The following CDH12 variants were observed in gnomAD, a reference collection of about 807,000 sequenced individuals.
CDH12 encodes cadherin-12.
In CDH12, 41 loss-of-function variants were observed where a neutral mutation model predicts 74.1. The observed-to-expected ratio is 0.55, with a 90% CI of 0.43 to 0.72. The LOEUF (loss-of-function observed/expected upper bound fraction) is 0.72, where lower values mean the gene tolerates loss of function less well. Among genes scored for constraint, CDH12 ranks in the 30% least tolerant of loss-of-function variants. CDH12 has a pLI of 0.00. For synonymous variants in CDH12, 399 were observed against 355.0 expected (o/e 1.12, Z -1.39); for missense variants, 945 against 977.2 (o/e 0.97, Z 0.44).
chr5:22,688,339 T>A (rs1218528508), intron 1 of CDH12, among the ~76,000 whole-genome samples: 1 of 152,216 alleles, frequency 6.6e-6, no homozygotes, highest in Non-Finnish European at 1.5e-5. Flanking sequence ...TAAAGCATTT[T>A]AATAAGTCAT....
intron 3 of CDH12, among the ~76,000 whole-genome samples, chr5:22,272,917 C>G (rs1459593089): frequency 6.6e-6 from 1 of 152,162 alleles, no homozygotes; most frequent in African/African-American, 2.4e-5. Flanking sequence ...ACAATCATGG[C>G]AGAAGGGGAA....
chr5:21,926,389 T>C (rs1754584529), intron 6 of CDH12, among the ~76,000 whole-genome samples: 2 of 152,226 alleles, frequency 1.3e-5, no homozygotes, highest in African/African-American at 4.8e-5. Context: ...TGGAGGTAAC[T>C]TGACTTGGCT....
intron 4 of CDH12, among the ~76,000 whole-genome samples, chr5:22,146,465 G>T (rs774829861): frequency 1.3e-5 from 2 of 152,030 alleles, no homozygotes; most frequent in African/African-American, 2.4e-5. Flanking sequence ...ATGAATAAAT[G>T]TTTTGTATAA....
chr5:22,739,754 G>A (rs185465778), intron 1 of CDH12, among the ~76,000 whole-genome samples: 14 of 152,038 alleles, frequency 9.2e-5, no homozygotes, highest in Admixed American at 9.2e-4. Context: ...CCTTCTTTCA[G>A]CTGCTTTTCA....
intron 2 of CDH12, among the ~76,000 whole-genome samples, chr5:22,463,297 A>G (rs1470665462): frequency 3.3e-5 from 5 of 152,178 alleles, no homozygotes; most frequent in South Asian, 2.1e-4. Flanking sequence ...GAAACAATCA[A>G]TGATTTATTT....
chr5:21,819,210 T>C (rs1171596438), intron 8 of CDH12, among the ~76,000 whole-genome samples: 1 of 152,002 alleles, frequency 6.6e-6, no homozygotes, highest in Non-Finnish European at 1.5e-5. Context: ...TTTCTTTAGA[T>C]CATAAATATT....
At chr5:21,894,880 C>T (rs2150048008) in intron 6 of CDH12, among the ~76,000 whole-genome samples, 1 of 152,202 alleles carries the variant, frequency 6.6e-6, no homozygotes, top group African/African-American at 2.4e-5. Context: ...TCTAATATCT[C>T]CCATATTTAT....
Position 22,679,959 on chromosome 5 carries a change from T to G in CDH12, c.-523+173099A>C, listed in dbSNP as rs1315934623. ...ACATGTCTGTACACGTTCTGAGCATTCATTGCCTCATCTATTCTACAAGAA... is the reference window on the plus strand; with the variant it reads ...ACATGTCTGTACACGTTCTGAGCATGCATTGCCTCATCTATTCTACAAGAA... On this transcript the variant is annotated intron_variant, in intron 1 of 14. Transcript: ENST00000382254. Among the ~76,000 whole-genome samples the G allele has an allele frequency of 2.0e-5, 3 of 152,150 alleles. 1 individual carries two copies. Among genetic ancestry groups the G allele is most frequent in the Admixed American group, 2.0e-4 (3 of 15,238 alleles).
chr5:22,687,069 G>A (rs990061797), intron 1 of CDH12, among the ~76,000 whole-genome samples: 4 of 152,164 alleles, frequency 2.6e-5, no homozygotes, highest in African/African-American at 4.8e-5. Flanking sequence ...GCTAAGGCGC[G>A]TGGATCACGA....
intron 1 of CDH12, among the ~76,000 whole-genome samples, chr5:22,552,433 CT>C (rs753291877): frequency 2.3e-3 from 318 of 139,136 alleles, no homozygotes; most frequent in Middle Eastern, 3.8e-3. Context: ...ATTTTCTTTT[CT>C]TTTTTTTTTT....
chr5:22,653,988 CCCTTCCTT>C (rs1023647653), intron 1 of CDH12, among the ~76,000 whole-genome samples: 2 of 150,702 alleles, frequency 1.3e-5, no homozygotes, highest in Admixed American at 6.6e-5. Context: ...ATAAATATTT[CCCTTCCTT>C]CCTTCCTTCC....
chr5:22,234,610 T>G (rs1752497543), intron 3 of CDH12, among the ~76,000 whole-genome samples: 1 of 127,872 alleles, frequency 7.8e-6, no homozygotes, highest in African/African-American at 2.5e-5. Flanking sequence ...AGCATGAAAA[T>G]GCACTAATAC....
chr5:22,475,583 T>A (rs1746134440), intron 2 of CDH12, among the ~76,000 whole-genome samples: 1 of 152,074 alleles, frequency 6.6e-6, no homozygotes, highest in Non-Finnish European at 1.5e-5. Flanking sequence ...GGATTCTAAT[T>A]GCAATGCAAG....
intron 1 of CDH12, among the ~76,000 whole-genome samples, chr5:22,815,990 C>T (rs975650036): frequency 2.0e-5 from 3 of 151,890 alleles, no homozygotes; most frequent in Admixed American, 1.3e-4. Context: ...GAAGAAAGTA[C>T]TGTGTGGCTA....
At chr5:22,533,025 T>C (rs568220983) in intron 1 of CDH12, among the ~76,000 whole-genome samples, 1 of 152,142 alleles carries the variant, frequency 6.6e-6, no homozygotes, top group South Asian at 2.1e-4. Flanking sequence ...ATCCTGAAAA[T>C]TTTGTTGCTA....
rs1157957120 is a variant in CDH12 at position 22,529,161 on chromosome 5, A to ATG, written c.-522-23799_-522-23798dup. ...CATATATATACACATATATATACAC[A>ATG]TGTGTATATATATATATATATATAT... On this transcript the variant is annotated intron_variant, in intron 1 of 14. Transcript: ENST00000382254. Among the ~76,000 whole-genome samples the ATG allele has an allele frequency of 1.6e-3, 179 of 112,892 alleles. 1 individual carries two copies. The highest frequency in any genetic ancestry group is 2.5e-3 in the East Asian group (9 of 3,664). 74.1% of individuals were successfully genotyped at this position (112,892 alleles called of 152,430 possible).
intron 6 of CDH12, among the ~76,000 whole-genome samples, chr5:21,944,636 G>A (rs1417779826): frequency 6.6e-6 from 1 of 152,120 alleles, no homozygotes; most frequent in Non-Finnish European, 1.5e-5. Context: ...TTATAATAGG[G>A]TCTTTAATGA....
intron 4 of CDH12, among the ~76,000 whole-genome samples, chr5:22,211,076 C>T (rs1375099158): frequency 4.6e-5 from 7 of 152,250 alleles, no homozygotes; most frequent in Admixed American, 6.5e-5. Context: ...GCACTAACAT[C>T]GACATCAGCC....
At position 22,109,409 on chromosome 5, in the gene CDH12, T is replaced by C. The variant is rs886903111; in HGVS notation, c.-186-30547A>G. 3.3e-5 allele frequency among the ~76,000 whole-genome samples: 5 copies of C among 152,330 alleles called. No individual in the cohort carries two copies. The East Asian group carries it at 9.6e-4, about 29-fold the overall frequency. On this transcript the variant is annotated intron_variant, in intron 4 of 14. Transcript: ENST00000382254. ...GTAATGCAACTACTGCATGTGCAGG[T>C]ATCACTTGGTCTTTTTCACATCACC...
Sources: gnomAD v4.1 joint callset for allele counts (sites outside exome capture counted in the v4.1 genomes callset) on GRCh38, gnomAD v4.1.1 for gene constraint, MANE v1.5 for transcripts, NCBI Gene and HGNC (gene_info 2026-07-23, HGNC 2026-07-21) for gene names.